Variants in NKTR observed in about 807,000 individuals in gnomAD.
NKTR encodes the protein natural killer cell triggering receptor.
In NKTR, 67 loss-of-function variants were observed where a neutral mutation model predicts 156.3. That is an observed-to-expected ratio of 0.43 (90% CI 0.35 to 0.53). The LOEUF is 0.53. Among genes scored for constraint, NKTR ranks in the 20% least tolerant of loss-of-function variants. NKTR has a pLI of 0.01. For synonymous variants in NKTR, 640 were observed against 596.6 expected, an observed-to-expected ratio of 1.07 and a Z score of -1.06; for missense variants, 1,604 against 1,730.9, an observed-to-expected ratio of 0.93 and a Z score of 1.30.
chr3:42,618,218 G>A (rs1707572775), intron 3 of NKTR, among the ~76,000 whole-genome samples: 2 of 151,634 alleles, frequency 1.3e-5, no homozygotes, highest in Non-Finnish European at 2.9e-5. Context: ...GGGCGTAGTG[G>A]CAGGCGCCTG....
intron 6 of NKTR, among the ~76,000 whole-genome samples, chr3:42,622,742 T>C (rs1708026131): frequency 6.6e-6 from 1 of 152,050 alleles, no homozygotes; most frequent in African/African-American, 2.4e-5. Context: ...TAAGAGCCAA[T>C]ACAGAGTAGA....
chr3:42,641,586 A>T (rs1263579796), intron 13 of NKTR, among the ~76,000 whole-genome samples: 1 of 152,220 alleles, frequency 6.6e-6, no homozygotes, highest in Non-Finnish European at 1.5e-5. Flanking sequence ...TAGCTTAAAA[A>T]ATAGATCTTT....
chr3:42,616,067 T>C (rs1707338926), intron 2 of NKTR, among the ~76,000 whole-genome samples: 2 of 152,296 alleles, frequency 1.3e-5, no homozygotes, highest in South Asian at 2.1e-4. Context: ...TCCATCCTGC[T>C]TTACCCATTA....
intron 4 of NKTR, 70 bp from the exon 5 acceptor site, chr3:42,619,594 A>G: frequency 1.9e-6 from 3 of 1,594,462 alleles, no homozygotes; most frequent in Non-Finnish European, 2.6e-6. Context: ...AATTGAAGCT[A>G]TCAAAAATGA....
chr3:42,611,823 A>G (rs1021710274), intron 2 of NKTR, among the ~76,000 whole-genome samples: 2 of 151,922 alleles, frequency 1.3e-5, no homozygotes, highest in African/African-American at 4.8e-5. Flanking sequence ...AAGTATGAGG[A>G]TGCGTATTTT....
intron 16 of NKTR, among the ~76,000 whole-genome samples, chr3:42,644,812 C>T (rs1710216919): frequency 6.6e-6 from 1 of 152,190 alleles, no homozygotes; most frequent in Non-Finnish European, 1.5e-5. Context: ...TCCACTGTCC[C>T]TGGGCAGCCC....
intron 5 of NKTR, 113 bp from the exon 6 acceptor site, chr3:42,621,316 A>T: frequency 7.0e-7 from 1 of 1,422,964 alleles, no homozygotes. Flanking sequence ...CAGTCAAGTT[A>T]TCTGTACTGA....
intron 12 of NKTR, 142 bp downstream of exon 12, chr3:42,635,508 C>G: frequency 1.6e-6 from 1 of 623,022 alleles, no homozygotes; most frequent in Non-Finnish European, 2.7e-6. Context: ...ACATTTGGGA[C>G]TACTTGATGA....
chr3:42,619,480 T>A, intron 4 of NKTR, 184 bp from the exon 5 acceptor site: 1 of 1,411,836 alleles, frequency 7.1e-7, no homozygotes, highest in Non-Finnish European at 9.2e-7. Context: ...TGATGGTATT[T>A]CTTGTAATGG....
intron 5 of NKTR, chr3:42,620,245 G>T (rs1380286961): frequency 1.6e-6 from 2 of 1,260,624 alleles, no homozygotes; most frequent in African/African-American, 1.5e-5. Flanking sequence ...TCAGAGAAAA[G>T]AGTCTAGTTG....
Position 42,638,701 on chromosome 3 carries a change from G to A in NKTR, c.2997G>A (p.Gly999=), listed in dbSNP as rs760467015. The A allele has an allele frequency of 9.2e-5, 149 of 1,611,438 alleles. No individual in the cohort carries two copies. Among genetic ancestry groups the A allele is most frequent in the Non-Finnish European group, 1.2e-4 (141 of 1,179,430 alleles). ...HTKKVKEKLK[G]KKDKKHKAPK... ...AAAAAGTGAAAGAGAAATTGAAAGGGAAAAAAGACAAAAAGCATAAGGCTC... is the reference window on the plus strand; with the variant it reads ...AAAAAGTGAAAGAGAAATTGAAAGGAAAAAAAGACAAAAAGCATAAGGCTC... The change falls in exon 13 of 17, where the codon GGG becomes GGA. Residue 999 remains glycine (G), a synonymous_variant. Coordinates refer to ENST00000232978, the MANE Select transcript of NKTR (RefSeq NM_005385.4).
intron 2 of NKTR, among the ~76,000 whole-genome samples, chr3:42,611,529 C>G (rs1706808822): frequency 6.6e-6 from 1 of 151,944 alleles, no homozygotes; most frequent in Non-Finnish European, 1.5e-5. Flanking sequence ...GTTAGGAGTT[C>G]AAGACAAGCC....
At chr3:42,608,050 C>T (rs1313945540) in intron 2 of NKTR, among the ~76,000 whole-genome samples, 3 of 133,138 alleles carry the variant, frequency 2.3e-5, no homozygotes, top group Admixed American at 1.8e-4. Context: ...AGTGCAATGG[C>T]GCGATCTCAG....
intron 16 of NKTR, 56 bp from the exon 17 acceptor site, chr3:42,645,832 G>T: frequency 8.2e-7 from 1 of 1,223,142 alleles, no homozygotes. Flanking sequence ...GCTATAAGAG[G>T]AATTCAAAGA....
At chr3:42,629,973 G>A (rs377105089) in intron 6 of NKTR, 29 of 985,410 alleles carry the variant, frequency 2.9e-5, no homozygotes, top group Non-Finnish European at 3.1e-5. Context: ...CAGAGTTGCC[G>A]TGTCAGAGCT....
chr3:42,606,446 G>GGGGCTTTCATATTTAGGTATT (rs1331488364), intron 2 of NKTR, among the ~76,000 whole-genome samples: 1 of 151,936 alleles, frequency 6.6e-6, no homozygotes, highest in East Asian at 1.9e-4. Context: ...GTCAAGTTAA[G>GGGGCTTTCATATTTAGGTATT]GGGCTTTCAT....
intron 2 of NKTR, 134 bp from the exon 3 acceptor site, chr3:42,617,436 C>T: frequency 1.8e-6 from 1 of 562,440 alleles, no homozygotes; most frequent in African/African-American, 1.9e-5. Flanking sequence ...AAATGCTTTC[C>T]CATTACATCT....
intron 2 of NKTR, among the ~76,000 whole-genome samples, chr3:42,614,155 G>C (rs557891405): frequency 6.6e-6 from 1 of 152,220 alleles, no homozygotes; most frequent in Admixed American, 6.5e-5. Context: ...TATTTGTTGA[G>C]TAACAAATTT....
chr3:42,603,591 C>G (rs990529075), intron 2 of NKTR, among the ~76,000 whole-genome samples: 1 of 151,106 alleles, frequency 6.6e-6, no homozygotes, highest in Non-Finnish European at 1.5e-5. Context: ...TTGAGAACGC[C>G]GAATCATATA....
Sources: gnomAD v4.1 joint callset for allele counts (sites outside exome capture counted in the v4.1 genomes callset) on GRCh38, gnomAD v4.1.1 for gene constraint, MANE v1.5 for transcripts, NCBI Gene and HGNC (gene_info 2026-07-23, HGNC 2026-07-21) for gene names.